Variants in TBL1XR1 observed in about 807,000 individuals in gnomAD.
TBL1XR1 encodes TBL1X/Y related 1.
A neutral mutation model predicts 66.9 loss-of-function variants in TBL1XR1; 5 were observed. The ratio of observed to expected loss-of-function variants is 0.07; its 90% CI spans 0.04 to 0.16. TBL1XR1 has a LOEUF of 0.16. Ranked by LOEUF, TBL1XR1 falls within the 10% of genes least tolerant of loss-of-function variation. The pLI is 1.00. For synonymous variants in TBL1XR1, 210 were observed against 206.0 expected, an observed-to-expected ratio of 1.02 and a Z score of -0.17; for missense variants, 238 against 623.2, an observed-to-expected ratio of 0.38 and a Z score of 6.58.
At chr3:177,182,253 G>A (rs1734914447) in intron 1 of TBL1XR1, among the ~76,000 whole-genome samples, 1 of 152,068 alleles carries the variant, frequency 6.6e-6, no homozygotes, top group African/African-American at 2.4e-5. Flanking sequence ...GCCGGGAATG[G>A]TGGCGTAGTA....
chr3:177,094,633 CAGTCACAAAA>C (rs368930448), intron 2 of TBL1XR1, among the ~76,000 whole-genome samples: 78 of 152,234 alleles, frequency 5.1e-4, no homozygotes, highest in African/African-American at 1.8e-3. Context: ...GAATACTATT[CAGTCACAAAA>C]AGGAATGGAT....
intron 1 of TBL1XR1, among the ~76,000 whole-genome samples, chr3:177,180,091 G>C (rs1015578233): frequency 1.3e-5 from 2 of 151,998 alleles, no homozygotes; most frequent in Non-Finnish European, 2.9e-5. Flanking sequence ...CAAAAAATTA[G>C]CCAGGCATGG....
Position 177,065,003 on chromosome 3 carries a change from T to C in TBL1XR1, c.-26A>G. On this transcript the variant is annotated 5_prime_UTR_variant, in exon 3 of 16. Transcript: ENST00000457928. ...CTTTATTCCCACTTAAACCATGAGGTCACAACACAGGATATAACCCTAAAA... is the reference window on the plus strand; with the variant it reads ...CTTTATTCCCACTTAAACCATGAGGCCACAACACAGGATATAACCCTAAAA... 6.6e-7 allele frequency: 1 copy of C among 1,513,846 alleles called. No individual in the cohort carries two copies. Among genetic ancestry groups the C allele is most frequent in the Non-Finnish European group, 8.8e-7 (1 of 1,135,180 alleles). The allele number at this position is 1,513,846 out of a possible 1,614,324, so 93.8% of individuals were successfully genotyped here.
chr3:177,060,550 C>T (rs2108524856), intron 3 of TBL1XR1, among the ~76,000 whole-genome samples: 1 of 152,258 alleles, frequency 6.6e-6, no homozygotes, highest in South Asian at 2.1e-4. Context: ...AGCAAATATA[C>T]AACTGAAGCT....
chr3:177,127,419 G>C (rs181495629), intron 1 of TBL1XR1, among the ~76,000 whole-genome samples: 1 of 152,080 alleles, frequency 6.6e-6, no homozygotes, highest in South Asian at 2.1e-4. Flanking sequence ...AAAGAACACA[G>C]GGGACCTAAT....
At chr3:177,112,576 C>T (rs139068379) in intron 1 of TBL1XR1, among the ~76,000 whole-genome samples, 16 of 152,248 alleles carry the variant, frequency 1.1e-4, no homozygotes, top group African/African-American at 3.6e-4. Context: ...ATTGCTGGCA[C>T]ACTCAGTATC....
At chr3:177,143,475 T>C (rs995959948) in intron 1 of TBL1XR1, among the ~76,000 whole-genome samples, 6 of 152,216 alleles carry the variant, frequency 3.9e-5, no homozygotes, top group African/African-American at 1.4e-4. Flanking sequence ...CTGTAAGTTT[T>C]TTACAGTACG....
At chr3:177,064,825 A>G (rs1577062573) in intron 3 of TBL1XR1, 95 bp downstream of exon 3, 2 of 844,226 alleles carry the variant, frequency 2.4e-6, no homozygotes, top group Non-Finnish European at 3.7e-6. Flanking sequence ...TACAAAGTTC[A>G]ACGGTTTGGA....
intron 15 of TBL1XR1, 91 bp downstream of exon 15, chr3:177,026,282 G>T (rs1560091474): frequency 1.2e-5 from 12 of 1,043,372 alleles, no homozygotes; most frequent in African/African-American, 1.7e-5. Context: ...AATTTATTTT[G>T]AAAAAAACAC....
chr3:177,196,412 CCTT>C (rs1266160259), intron 1 of TBL1XR1: 1 of 152,086 alleles, frequency 6.6e-6, no homozygotes, highest in Non-Finnish European at 1.5e-5. Flanking sequence ...CCAAATACCT[CCTT>C]AAGACGATAA....
chr3:177,056,166 G>A (rs961786015), intron 3 of TBL1XR1, among the ~76,000 whole-genome samples: 1 of 152,164 alleles, frequency 6.6e-6, no homozygotes, highest in African/African-American at 2.4e-5. Context: ...TACTGCCAAG[G>A]TTTTGAAAGT....
intron 2 of TBL1XR1, among the ~76,000 whole-genome samples, chr3:177,071,835 C>A (rs1720056758): frequency 6.6e-6 from 1 of 152,096 alleles, no homozygotes; most frequent in Non-Finnish European, 1.5e-5. Flanking sequence ...TTATTGAAAA[C>A]TAGGAGAAAT....
At chr3:177,141,852 G>C (rs1200329741) in intron 1 of TBL1XR1, among the ~76,000 whole-genome samples, 1 of 152,170 alleles carries the variant, frequency 6.6e-6, no homozygotes, top group African/African-American at 2.4e-5. Context: ...TATATATACA[G>C]TGAAACATTA....
At chr3:177,032,753 GAATAC>G (rs1212676519) in intron 14 of TBL1XR1, 4 of 374,876 alleles carry the variant, frequency 1.1e-5, no homozygotes, top group Non-Finnish European at 1.9e-5. Flanking sequence ...AAAAACAAAA[GAATAC>G]AATAATAAAT....
chr3:177,080,549 A>G (rs1721267816), intron 2 of TBL1XR1, among the ~76,000 whole-genome samples: 1 of 152,180 alleles, frequency 6.6e-6, no homozygotes, highest in Non-Finnish European at 1.5e-5. Flanking sequence ...TTCCCTACTC[A>G]TAATACTTTT....
chr3:177,150,329 AACAGAGT>A (rs745463621), intron 1 of TBL1XR1, among the ~76,000 whole-genome samples: 20 of 152,346 alleles, frequency 1.3e-4, no homozygotes, highest in Non-Finnish European at 2.2e-4. Context: ...TTGATATTTG[AACAGAGT>A]ACAGAGTCCT....
Position 177,021,002 on chromosome 3 carries a change from C to A in TBL1XR1, c.*4496G>T, listed in dbSNP as rs1015865200. On this transcript the variant is annotated 3_prime_UTR_variant, in exon 16 of 16. Coordinates refer to ENST00000457928, the MANE Select transcript of TBL1XR1 (RefSeq NM_024665.7). Reference sequence around the variant, plus strand: ...CTTCCTTACACAATAATCATGAAAACTGAACAATGAAGTTCTTTAACATGT... The same window carrying A: ...CTTCCTTACACAATAATCATGAAAAATGAACAATGAAGTTCTTTAACATGT... 2.0e-5 allele frequency: 3 copies of A among 152,246 alleles called. No individual in the cohort carries two copies. Among genetic ancestry groups the A allele is most frequent in the Middle Eastern group, 3.4e-3 (1 of 294 alleles). The allele number at this position is 152,246 out of a possible 1,614,324, so 9.4% of individuals were successfully genotyped here.
At chr3:177,042,944 C>T (rs1715799429) in intron 10 of TBL1XR1, among the ~76,000 whole-genome samples, 1 of 151,842 alleles carries the variant, frequency 6.6e-6, no homozygotes. Context: ...ACATATAATT[C>T]ACATACCAAT....
chr3:177,183,570 G>A (rs1367920286), intron 1 of TBL1XR1, among the ~76,000 whole-genome samples: 2 of 151,914 alleles, frequency 1.3e-5, no homozygotes, highest in Non-Finnish European at 2.9e-5. Context: ...GAGTGCAGTG[G>A]TGCGATTTTG....
Sources: allele counts gnomAD v4.1 joint callset (sites outside exome capture counted in the v4.1 genomes callset), GRCh38; gene constraint gnomAD v4.1.1; transcripts MANE v1.5; gene names NCBI Gene and HGNC (gene_info 2026-07-23, HGNC 2026-07-21).